PTDSS1: variants seen among roughly 807,000 people sequenced by gnomAD.
The protein encoded by PTDSS1 is PSS-1.
PTDSS1 carries 45 observed loss-of-function variants against 70.5 expected under a neutral mutation model. The ratio of observed to expected loss-of-function variants is 0.64; its 90% CI spans 0.50 to 0.82. The LOEUF is 0.82. Ranked by LOEUF, PTDSS1 falls within the 40% of genes least tolerant of loss-of-function variation. The pLI is 0.00. For synonymous variants in PTDSS1, 188 were observed against 203.8 expected, an observed-to-expected ratio of 0.92 and a Z score of 0.66; for missense variants, 417 against 586.1, an observed-to-expected ratio of 0.71 and a Z score of 2.98.
chr8:96,314,198 C>A (rs1488400655), intron 9 of PTDSS1, among the ~76,000 whole-genome samples: 1 of 152,152 alleles, frequency 6.6e-6, no homozygotes, highest in Non-Finnish European at 1.5e-5. Context: ...GCACACACCA[C>A]AATGTCCAGC....
chr8:96,311,591 T>C (rs1297217929), intron 9 of PTDSS1, among the ~76,000 whole-genome samples: 1 of 152,182 alleles, frequency 6.6e-6, no homozygotes, highest in African/African-American at 2.4e-5. Context: ...GACATAGTTT[T>C]AAAGGCTAAA....
At chr8:96,275,556 C>T (rs886065213) in intron 2 of PTDSS1, among the ~76,000 whole-genome samples, 4 of 152,140 alleles carry the variant, frequency 2.6e-5, no homozygotes, top group Admixed American at 2.6e-4. Context: ...TATGTAGACC[C>T]TCCTCTCCTT....
intron 9 of PTDSS1, among the ~76,000 whole-genome samples, chr8:96,316,065 G>A (rs1325945017): frequency 6.6e-6 from 1 of 152,148 alleles, no homozygotes; most frequent in Non-Finnish European, 1.5e-5. Context: ...GGGTGCTGTT[G>A]ATTGGAACTC....
At chr8:96,325,665 T>G (rs945214782) in intron 10 of PTDSS1, among the ~76,000 whole-genome samples, 1 of 152,094 alleles carries the variant, frequency 6.6e-6, no homozygotes, top group Non-Finnish European at 1.5e-5. Context: ...CCAAATCCAT[T>G]CTCCATGCTG....
chr8:96,327,170 G>T (rs1468795880), intron 10 of PTDSS1, among the ~76,000 whole-genome samples: 1 of 152,178 alleles, frequency 6.6e-6, no homozygotes, highest in African/African-American at 2.4e-5. Context: ...TTGGTCGTTG[G>T]TGGAAATAAA....
chr8:96,285,074 T>C (rs972450017), intron 3 of PTDSS1, among the ~76,000 whole-genome samples: 3 of 152,106 alleles, frequency 2.0e-5, no homozygotes, highest in Non-Finnish European at 4.4e-5. Flanking sequence ...AAATCAGTAA[T>C]CAAAAAAATA....
intron 2 of PTDSS1, among the ~76,000 whole-genome samples, chr8:96,279,426 G>C (rs1810701209): frequency 6.6e-6 from 1 of 150,732 alleles, no homozygotes; most frequent in Admixed American, 6.6e-5. Context: ...ATGTTTAGAA[G>C]TGGTCCAAAA....
chr8:96,305,021 C>T (rs188476514), intron 7 of PTDSS1, among the ~76,000 whole-genome samples: 207 of 152,286 alleles, frequency 1.4e-3, no homozygotes, highest in Non-Finnish European at 1.9e-3. Flanking sequence ...CAGAAGTGTA[C>T]GTGAATAGTT....
chr8:96,282,818 A>G (rs1810759544), intron 2 of PTDSS1, among the ~76,000 whole-genome samples: 1 of 152,264 alleles, frequency 6.6e-6, no homozygotes, highest in African/African-American at 2.4e-5. Context: ...TGTGCTTATT[A>G]AAGAGCCTGT....
At chr8:96,313,380 A>G (rs186795901) in intron 9 of PTDSS1, among the ~76,000 whole-genome samples, 1 of 152,300 alleles carries the variant, frequency 6.6e-6, no homozygotes, top group Non-Finnish European at 1.5e-5. Context: ...ATGTCACATG[A>G]TGTTCCTTCA....
At chr8:96,275,435 C>A (rs1275854445) in intron 2 of PTDSS1, among the ~76,000 whole-genome samples, 1 of 152,166 alleles carries the variant, frequency 6.6e-6, no homozygotes, top group Non-Finnish European at 1.5e-5. Flanking sequence ...AGCTGGGATT[C>A]CTGCTATCAA....
At chr8:96,327,337 G>A (rs1005099405) in intron 10 of PTDSS1, among the ~76,000 whole-genome samples, 3 of 152,100 alleles carry the variant, frequency 2.0e-5, no homozygotes, top group African/African-American at 7.2e-5. Context: ...AAGACAGGCA[G>A]AATCTCTGAT....
At position 96,299,587 on chromosome 8, in the gene PTDSS1, T is replaced by C. The variant is rs573114388; in HGVS notation, c.601-107T>C. On this transcript the variant is annotated intron_variant, in intron 5 of 12. Coordinates refer to ENST00000517309, the MANE Select transcript of PTDSS1 (RefSeq NM_014754.3). The stretch of plus-strand genomic sequence containing the variant: ...CTGTACATTAGGAAAAAATGAAATG[T>C]CAACAACTTCTTCTAAAATAATGTA... 4 of 1,218,916 alleles carry C rather than the reference T, an allele frequency of 3.3e-6. No homozygotes were observed. The South Asian group carries it at 6.7e-5, about 20-fold the overall frequency. 75.5% of individuals were successfully genotyped at this position (1,218,916 alleles called of 1,614,324 possible). A position where few individuals can be genotyped will look rare whatever the true frequency, so the allele number is the denominator to read the frequency against.
chr8:96,320,855 C>T (rs1288218640), intron 10 of PTDSS1, among the ~76,000 whole-genome samples: 7 of 152,224 alleles, frequency 4.6e-5, no homozygotes, highest in Non-Finnish European at 5.9e-5. Context: ...TATCACCTTC[C>T]GCTCTGAAGG....
intron 9 of PTDSS1, among the ~76,000 whole-genome samples, chr8:96,317,757 GAAA>G (rs59546397): frequency 1.4e-4 from 22 of 151,780 alleles, no homozygotes; most frequent in South Asian, 4.2e-4. Flanking sequence ...CAAAAAAACA[GAAA>G]AAACTTTAGG....
chr8:96,308,689 A>T (rs1811162777), intron 8 of PTDSS1, among the ~76,000 whole-genome samples: 1 of 152,240 alleles, frequency 6.6e-6, no homozygotes, highest in Non-Finnish European at 1.5e-5. Context: ...GGGCCAAAAC[A>T]GAATATAAAA....
At chr8:96,284,522 G>C (rs182419063) in intron 3 of PTDSS1, among the ~76,000 whole-genome samples, 1 of 152,186 alleles carries the variant, frequency 6.6e-6, no homozygotes, top group Non-Finnish European at 1.5e-5. Flanking sequence ...TGAGCATCTG[G>C]AAGGGAATGA....
intron 1 of PTDSS1, among the ~76,000 whole-genome samples, chr8:96,267,187 C>T (rs1186996925): frequency 6.6e-6 from 1 of 152,204 alleles, no homozygotes; most frequent in Non-Finnish European, 1.5e-5. Context: ...GTTTTTCAGT[C>T]TTAACTAATC....
At chr8:96,321,514 C>T (rs894679462) in intron 10 of PTDSS1, among the ~76,000 whole-genome samples, 1 of 152,174 alleles carries the variant, frequency 6.6e-6, no homozygotes, top group Admixed American at 6.5e-5. Flanking sequence ...CGTAATTTAT[C>T]GGTTGAAGAA....
Sources: gnomAD v4.1 joint callset for allele counts (sites outside exome capture counted in the v4.1 genomes callset) on GRCh38, gnomAD v4.1.1 for gene constraint, MANE v1.5 for transcripts, NCBI Gene and HGNC (gene_info 2026-07-23, HGNC 2026-07-21) for gene names.